The following WDR72 variants were observed in gnomAD, a reference collection of about 807,000 sequenced individuals.
The protein encoded by WDR72 is WD repeat domain 72.
WDR72 carries 120 observed loss-of-function variants against 124.2 expected under a neutral mutation model. That is an observed-to-expected ratio of 0.97 (90% CI 0.83 to 1.12). WDR72 has a LOEUF of 1.12. Among genes scored for constraint, WDR72 ranks in the 50% most tolerant of loss-of-function variants. The pLI is 0.00. For synonymous variants in WDR72, 452 were observed against 441.7 expected (o/e 1.02, Z -0.29); for missense variants, 1,387 against 1,278.8 (o/e 1.08, Z -1.29).
intron 14 of WDR72, among the ~76,000 whole-genome samples, chr15:53,616,597 TGAG>T (rs1278238094): frequency 2.0e-5 from 3 of 151,962 alleles, no homozygotes; most frequent in African/African-American, 7.2e-5. Context: ...GTTTGAAAAC[TGAG>T]GAGAACAAAT....
intron 17 of WDR72, among the ~76,000 whole-genome samples, chr15:53,603,646 T>C (rs1360811140): frequency 4.6e-5 from 7 of 152,154 alleles, no homozygotes; most frequent in African/African-American, 1.7e-4. Flanking sequence ...AGTCTCAGGA[T>C]ACAAAATCAA....
intron 13 of WDR72, among the ~76,000 whole-genome samples, chr15:53,689,684 A>G (rs1353571986): frequency 6.6e-6 from 1 of 150,938 alleles, no homozygotes; most frequent in Admixed American, 6.6e-5. Flanking sequence ...TAGAACTAGA[A>G]ATACCATTTG....
intron 13 of WDR72, among the ~76,000 whole-genome samples, chr15:53,681,742 G>C (rs181596722): frequency 6.6e-6 from 1 of 152,148 alleles, no homozygotes; most frequent in East Asian, 1.9e-4. Context: ...ATGTTCTGAA[G>C]ACATCCTGCA....
chr15:53,597,273 A>C lies in WDR72; in HGVS notation c.2954T>G (p.Val985Gly). The change falls in exon 18 of 20, where the codon GTA (valine) becomes GGA (glycine). Residue 985 changes from valine (V) to glycine (G), a missense_variant and splice_region_variant. Transcript: ENST00000360509. ...GAGAACAGCTTGTATTGCTTCAGTTACCTGTAAGGTATTTTTTTAAGTGAA... is the reference window on the plus strand; with the variant it reads ...GAGAACAGCTTGTATTGCTTCAGTTCCCTGTAAGGTATTTTTTTAAGTGAA... ...ISCWRDQSVQ[V>G]TEAIQAVLLA... 2 of 1,613,480 alleles carry C rather than the reference A, an allele frequency of 1.2e-6. No homozygotes were observed. Among genetic ancestry groups the C allele is most frequent in the African/African-American group, 2.7e-5 (2 of 75,018 alleles).
chr15:53,706,407 C>T (rs1162985487), intron 9 of WDR72, among the ~76,000 whole-genome samples: 350 of 55,562 alleles, frequency 6.3e-3, no homozygotes, highest in Non-Finnish European at 0.012. Context: ...GCTATGTGTA[C>T]ACATTACTGC....
At chr15:53,668,814 G>C (rs915827958) in intron 13 of WDR72, among the ~76,000 whole-genome samples, 1 of 150,142 alleles carries the variant, frequency 6.7e-6, no homozygotes, top group African/African-American at 2.4e-5. Context: ...GCTGAGGTGG[G>C]AGGATCACTT....
chr15:53,714,384 T>G, intron 6 of WDR72, 50 bp downstream of exon 6: 1 of 1,407,046 alleles, frequency 7.1e-7, no homozygotes, highest in Non-Finnish European at 1.0e-6. Context: ...TAAATTTTAA[T>G]GAATATGCTT....
At chr15:53,758,563 A>T (rs548840089) in intron 1 of WDR72, among the ~76,000 whole-genome samples, 1 of 152,168 alleles carries the variant, frequency 6.6e-6, no homozygotes, top group African/African-American at 2.4e-5. Context: ...CACAAGACCA[A>T]CTTAACCACA....
At chr15:53,710,630 T>C (rs762948013) in intron 9 of WDR72, among the ~76,000 whole-genome samples, 41 of 152,202 alleles carry the variant, frequency 2.7e-4, no homozygotes, top group Non-Finnish European at 5.4e-4. Context: ...AATAAATACA[T>C]ATTGTTTCAT....
chr15:53,544,643 T>C (rs943876321), intron 18 of WDR72, among the ~76,000 whole-genome samples: 2 of 147,166 alleles, frequency 1.4e-5, no homozygotes, highest in African/African-American at 5.2e-5. Context: ...TTCAACATAG[T>C]GTTGGAAGTT....
intron 1 of WDR72, among the ~76,000 whole-genome samples, chr15:53,734,325 C>T (rs1363878409): frequency 6.6e-6 from 1 of 152,056 alleles, no homozygotes; most frequent in Non-Finnish European, 1.5e-5. Flanking sequence ...ATTCTAACTG[C>T]CATGTCCAAA....
intron 1 of WDR72, among the ~76,000 whole-genome samples, chr15:53,747,791 G>A (rs533589640): frequency 6.6e-6 from 1 of 152,296 alleles, no homozygotes; most frequent in South Asian, 2.1e-4. Flanking sequence ...AGCATTAGAT[G>A]TGGTAAGAGA....
intron 19 of WDR72, among the ~76,000 whole-genome samples, chr15:53,522,965 T>C (rs1891883431): frequency 6.6e-6 from 1 of 152,070 alleles, no homozygotes; most frequent in Admixed American, 6.6e-5. Context: ...CTAAAATTGA[T>C]GATAATGAAC....
At chr15:53,657,783 A>G (rs2015479461) in intron 14 of WDR72, among the ~76,000 whole-genome samples, 2 of 152,150 alleles carry the variant, frequency 1.3e-5, no homozygotes, top group African/African-American at 4.8e-5. Context: ...AGCAGAACCA[A>G]CCTTTTCTCT....
At chr15:53,680,749 G>C (rs2016352357) in intron 13 of WDR72, among the ~76,000 whole-genome samples, 1 of 152,154 alleles carries the variant, frequency 6.6e-6, no homozygotes, top group Non-Finnish European at 1.5e-5. Flanking sequence ...GGCATCATGT[G>C]CCTTTCAGTG....
At chr15:53,744,474 C>T (rs1235083510) in intron 1 of WDR72, among the ~76,000 whole-genome samples, 1 of 152,174 alleles carries the variant, frequency 6.6e-6, no homozygotes, top group East Asian at 1.9e-4. Context: ...AGCTCCCAAA[C>T]TGTTCTGCTT....
intron 14 of WDR72, among the ~76,000 whole-genome samples, chr15:53,661,671 C>T (rs1340033443): frequency 6.6e-6 from 1 of 151,732 alleles, no homozygotes; most frequent in Non-Finnish European, 1.5e-5. Context: ...TTTTAAATTG[C>T]CTAGTAGATA....
chr15:53,574,018 A>G (rs1894664298), intron 18 of WDR72, among the ~76,000 whole-genome samples: 1 of 152,204 alleles, frequency 6.6e-6, no homozygotes, highest in Non-Finnish European at 1.5e-5. Flanking sequence ...AAATACACCC[A>G]GATTGAAAAT....
intron 2 of WDR72, 72 bp downstream of exon 2, chr15:53,732,925 T>C: frequency 3.2e-6 from 5 of 1,572,296 alleles, no homozygotes; most frequent in African/African-American, 1.3e-5. Context: ...CCACTGTCAT[T>C]GCAGATAGAA....
Sources: gnomAD v4.1 joint callset for allele counts (sites outside exome capture counted in the v4.1 genomes callset) on GRCh38, gnomAD v4.1.1 for gene constraint, MANE v1.5 for transcripts, NCBI Gene and HGNC (gene_info 2026-07-23, HGNC 2026-07-21) for gene names.